CEP250: variants seen among roughly 807,000 people sequenced by gnomAD.
CEP250 encodes centrosomal protein 250, also known as centrosome-associated protein CEP250.
In CEP250, 242 loss-of-function variants were observed where a neutral mutation model predicts 315.7. The observed-to-expected ratio is 0.77, with a 90% CI of 0.69 to 0.85. CEP250 has a LOEUF of 0.85. Ranked by LOEUF, CEP250 falls within the 40% of genes least tolerant of loss-of-function variation. The probability of loss-of-function intolerance (pLI) is 0.00; values close to 1 mark genes in which losing one functional copy is unlikely to be tolerated. For missense variants in CEP250, 2,515 were observed against 2,886.4 expected (o/e 0.87, Z 2.95); for synonymous variants, 1,088 against 1,175.0 (o/e 0.93, Z 1.51).
At chr20:35,492,243 G>A (rs1326217334) in intron 22 of CEP250, among the ~76,000 whole-genome samples, 2 of 152,146 alleles carry the variant, frequency 1.3e-5, no homozygotes, top group Non-Finnish European at 2.9e-5. Flanking sequence ...TATTTTATAT[G>A]ATATGCTTCC....
chr20:35,456,916 G>A (rs2062642587), intron 1 of CEP250, among the ~76,000 whole-genome samples: 1 of 151,862 alleles, frequency 6.6e-6, no homozygotes, highest in Non-Finnish European at 1.5e-5. Flanking sequence ...TGAGTAGCTG[G>A]GATTACAGGC....
chr20:35,509,926 C>CCCT, intron 33 of CEP250, 72 bp from the exon 34 acceptor site: 1 of 1,389,202 alleles, frequency 7.2e-7, no homozygotes, highest in African/African-American at 1.4e-5. Context: ...TGATGAGGTT[C>CCCT]TGCAAGGAAA....
chr20:35,479,571 T>G (rs2063281164), intron 18 of CEP250, 75 bp from the exon 19 acceptor site: 7 of 1,579,998 alleles, frequency 4.4e-6, no homozygotes, highest in Non-Finnish European at 6.0e-6. Context: ...AGCCAATACT[T>G]AGAACCCAGC....
At chr20:35,456,771 A>G (rs936119745) in intron 1 of CEP250, among the ~76,000 whole-genome samples, 9 of 149,332 alleles carry the variant, frequency 6.0e-5, no homozygotes, top group Middle Eastern at 6.5e-3. Context: ...GCTATAAGTT[A>G]TATGCCTCCC....
intron 15 of CEP250, 35 bp downstream of exon 15, chr20:35,475,681 C>T (rs554425083): frequency 8.3e-5 from 134 of 1,606,248 alleles, no homozygotes; most frequent in Admixed American, 3.0e-4. Flanking sequence ...GCTGGGTGGG[C>T]GGCTTCGAAA....
chr20:35,492,543 A>C (rs2063726649), intron 22 of CEP250, among the ~76,000 whole-genome samples: 2 of 152,208 alleles, frequency 1.3e-5, no homozygotes, highest in African/African-American at 4.8e-5. Flanking sequence ...AGGCAGAGGA[A>C]ACACCTGTCG....
chr20:35,492,375 G>T (rs1462651108), intron 22 of CEP250, among the ~76,000 whole-genome samples: 1 of 152,090 alleles, frequency 6.6e-6, no homozygotes, highest in Non-Finnish European at 1.5e-5. Context: ...TGGGATTGAT[G>T]GAAATGTTCT....
chr20:35,493,360 C>G, intron 22 of CEP250, 69 bp from the exon 23 acceptor site: 9 of 1,395,488 alleles, frequency 6.4e-6, no homozygotes, highest in Middle Eastern at 3.8e-4. Context: ...CTTTTGCCAC[C>G]CCACCAAAAA....
chr20:35,515,017 C>A lies in CEP250; in HGVS notation c.*3391C>A. The A allele has an allele frequency of 6.6e-6, 1 of 152,436 alleles. No homozygotes were observed. The highest frequency in any genetic ancestry group is 1.5e-5 in the Non-Finnish European group (1 of 68,092). 9.4% of individuals were successfully genotyped at this position (152,436 alleles called of 1,614,324 possible). A position where few individuals can be genotyped will look rare whatever the true frequency, so the allele number is the denominator to read the frequency against. Reference sequence around the variant, plus strand: ...GGTGCTGCTTCCCACCCTCACCCTTCTGCCCCCACCTGAGCACAGTGTGGT... The same window carrying A: ...GGTGCTGCTTCCCACCCTCACCCTTATGCCCCCACCTGAGCACAGTGTGGT... On this transcript the variant is annotated 3_prime_UTR_variant, in exon 35 of 35. Transcript: ENST00000397527.
chr20:35,481,756 G>A (rs1168658947), intron 20 of CEP250, among the ~76,000 whole-genome samples: 1 of 151,954 alleles, frequency 6.6e-6, no homozygotes, highest in East Asian at 1.9e-4. Context: ...AGACTGGAGT[G>A]CAGTCATGTG....
rs1249782426 is a variant in CEP250, at chr20:35,513,448, G to A, written c.*1822G>A. The A allele has an allele frequency of 6.6e-6, 1 of 152,104 alleles. No individual in the cohort carries two copies. The highest frequency in any genetic ancestry group is 1.5e-5 in the Non-Finnish European group (1 of 68,042). 9.4% of individuals were successfully genotyped at this position (152,104 alleles called of 1,614,324 possible). A position where few individuals can be genotyped will look rare whatever the true frequency, so the allele number is the denominator to read the frequency against. On this transcript the variant is annotated 3_prime_UTR_variant, in exon 35 of 35. Coordinates refer to ENST00000397527, the MANE Select transcript of CEP250 (RefSeq NM_007186.6). ...TAATTTTGTATTTTTAGTAGAGACA[G>A]GGTTTCTCCATGTTGATCAGGCTGG...
chr20:35,463,567 T>C lies in CEP250; in HGVS notation c.187-8T>C. ...TTCATTGCCCAGGGCCTGTTCTTTT[T>C]GCTGCAGGTGCTGCAGTACCGAAGC... On this transcript the variant is annotated splice_polypyrimidine_tract_variant and splice_region_variant and intron_variant, in intron 4 of 34. Transcript: ENST00000397527. 6 of 1,604,628 alleles carry C rather than the reference T, an allele frequency of 3.7e-6. No individual in the cohort carries two copies. The highest frequency in any genetic ancestry group is 5.1e-6 in the Non-Finnish European group (6 of 1,175,960).
chr20:35,493,007 C>T (rs574495563), intron 22 of CEP250, among the ~76,000 whole-genome samples: 83 of 152,148 alleles, frequency 5.5e-4, no homozygotes, highest in African/African-American at 1.3e-3. Context: ...GGATGATAGG[C>T]GTGAGCCACC....
chr20:35,494,321 C>G (rs1340008926), intron 23 of CEP250: 2 of 598,904 alleles, frequency 3.3e-6, no homozygotes, highest in African/African-American at 1.9e-5. Flanking sequence ...ATATGTGAGG[C>G]TGGGAGGCAG....
chr20:35,488,247 G>A (rs1017758107), intron 20 of CEP250, among the ~76,000 whole-genome samples: 2 of 152,126 alleles, frequency 1.3e-5, no homozygotes, highest in African/African-American at 4.8e-5. Flanking sequence ...ACTTGCAACT[G>A]CTATTAACAT....
intron 25 of CEP250, among the ~76,000 whole-genome samples, chr20:35,497,201 G>C (rs2063863048): frequency 6.6e-6 from 1 of 152,166 alleles, no homozygotes; most frequent in Non-Finnish European, 1.5e-5. Context: ...GCTTGCAGGG[G>C]TTAAGGGCAC....
rs778598883 is a variant in CEP250, at chr20:35,458,966, C to CTTTTTTTT, written c.-227+613_-227+620dup. On this transcript the variant is annotated intron_variant, in intron 2 of 34. Transcript: ENST00000397527. ...ATGGTATATTTGCTATAATGCAAAT[C>CTTTTTTTT]TTTTTTTTTTTTTTTTTTTTTTTTT... is the stretch of plus-strand genomic sequence containing the variant. 5.4e-4 allele frequency among the ~76,000 whole-genome samples: 32 copies of CTTTTTTTT among 59,230 alleles called. 6 individuals are homozygous for CTTTTTTTT. Among genetic ancestry groups the CTTTTTTTT allele is most frequent in the African/African-American group, 1.7e-3 (22 of 13,286 alleles). The allele number at this position is 59,230 out of a possible 152,430, so 38.9% of individuals were successfully genotyped here.
At position 35,480,049 on chromosome 20, in the gene CEP250, C is replaced by T. The variant is rs1178301056; in HGVS notation, c.2490C>T (p.Ala830=). 1 of 1,613,322 alleles carries T rather than the reference C, an allele frequency of 6.2e-7. No homozygotes were observed. The highest frequency in any genetic ancestry group is 2.2e-5 in the East Asian group (1 of 44,888). The change falls in exon 20 of 35, where the codon GCC becomes GCT. Residue 830 remains alanine, a synonymous_variant. Transcript: ENST00000397527. ...SQAEQERDAA[A]RQLAQAEQEG... is the part of the protein sequence containing the mutation. ...CAGAGCAGGAGCGGGATGCTGCAGC[C>T]AGACAGCTGGCCCAGGCTGAGCAAG...
chr20:35,504,372 G>T lies in CEP250; in HGVS notation c.6003G>T (p.Leu2001=). The stretch of plus-strand genomic sequence containing the variant: ...GTCTGGAGGCCAGCACTGCAACCCT[G>T]CAAGCCTCCCTGGATGCCTGCCAGG... The part of the protein sequence containing the change: ...SRSLEASTAT[L]QASLDACQAH... The change falls in exon 30 of 35, where the codon CTG becomes CTT. Residue 2001 remains leucine (L), a synonymous_variant. Transcript: ENST00000397527. 2 of 1,599,418 alleles carry T rather than the reference G, an allele frequency of 1.3e-6. No individual in the cohort carries two copies. The highest frequency in any genetic ancestry group is 1.7e-6 in the Non-Finnish European group (2 of 1,173,010).
Sources: gnomAD v4.1 joint callset for allele counts (sites outside exome capture counted in the v4.1 genomes callset) on GRCh38, gnomAD v4.1.1 for gene constraint, MANE v1.5 for transcripts, NCBI Gene and HGNC (gene_info 2026-07-23, HGNC 2026-07-21) for gene names.